The following AP5Z1 variants were observed in gnomAD, a reference collection of about 807,000 sequenced individuals.
AP5Z1 encodes AP-5 complex subunit zeta-1.
AP5Z1 carries 106 observed loss-of-function variants against 83.0 expected under a neutral mutation model. The ratio of observed to expected loss-of-function variants is 1.28; its 90% CI spans 1.09 to 1.50. AP5Z1 has a LOEUF of 1.50. Among genes scored for constraint, AP5Z1 ranks in the 40% most tolerant of loss-of-function variants. The pLI is 0.00. For missense variants in AP5Z1, 1,565 were observed against 1,094.2 expected, an observed-to-expected ratio of 1.43 and a Z score of -6.07; for synonymous variants, 751 against 514.1, an observed-to-expected ratio of 1.46 and a Z score of -6.23.
At chr7:4,790,334 C>CT (rs1781718446) in intron 14 of AP5Z1, 125 bp from the exon 15 acceptor site, 1 of 1,557,544 alleles carries the variant, frequency 6.4e-7, no homozygotes, top group East Asian at 2.4e-5. Context: ...CTGTGTTCCT[C>CT]TATCGGAGGG....
chr7:4,786,614 CGGT>C (rs1328826698), intron 10 of AP5Z1, among the ~76,000 whole-genome samples, 186 bp downstream of exon 10: 1 of 152,102 alleles, frequency 6.6e-6, no homozygotes, highest in East Asian at 1.9e-4. Context: ...ACGTGATTGA[CGGT>C]GCTGTCCAAG....
At position 4,783,451 on chromosome 7, in the gene AP5Z1, C is replaced by A; in HGVS notation, c.502C>A (p.Leu168Ile). Residue 168 changes from leucine to isoleucine, a missense_variant, in exon 4 of 17, where the codon CTC becomes ATC. Transcript: ENST00000649063. ...GGTCGTGGTCCTCAGCCCGGGCACC[C>A]TCCAGGAGGGTACGCGGGGCCCCTC... ...AKVVVLSPGT[L>I]QEDQATLLSK... The A allele has an allele frequency of 6.2e-7, 1 of 1,612,316 alleles. No homozygotes were observed. Among genetic ancestry groups the A allele is most frequent in the Non-Finnish European group, 8.5e-7 (1 of 1,179,512 alleles).
chr7:4,780,795 A>G (rs1015239791), intron 1 of AP5Z1, among the ~76,000 whole-genome samples: 4 of 152,178 alleles, frequency 2.6e-5, no homozygotes, highest in African/African-American at 7.2e-5. Context: ...TCTTGTTTCC[A>G]TAAGCAAAAG....
rs1351918534 is a variant in AP5Z1, at chr7:4,783,691, C to T, written c.514C>T (p.Gln172Ter). Residue 172 changes from glutamine (Q) to a stop codon, truncating the protein, a stop_gained and splice_region_variant, in exon 5 of 17, where the codon CAG becomes TAG. Transcript: ENST00000649063. LOFTEE classifies it high-confidence loss of function. ...CCATGCCACCCCACCCACTGCAGACCAGGCCACCCTGCTCAGCAAGCGGCT... is the reference window on the plus strand; with the variant it reads ...CCATGCCACCCCACCCACTGCAGACTAGGCCACCCTGCTCAGCAAGCGGCT... ...VLSPGTLQED[Q>*]ATLLSKRLVD... 3 of 1,550,064 alleles carry T rather than the reference C, an allele frequency of 1.9e-6. No homozygotes were observed. Among genetic ancestry groups the T allele is most frequent in the Non-Finnish European group, 1.7e-6 (2 of 1,146,576 alleles).
In AP5Z1 at chr7:4,781,647, G is replaced by A. The variant is rs775883752; in HGVS notation, c.259G>A (p.Ala87Thr). The A allele has an allele frequency of 1.6e-4, 254 of 1,606,088 alleles. 2 individuals are homozygous for A. The Admixed American group carries it at 3.3e-3, about 21-fold the overall frequency. The change falls in exon 3 of 17, where the codon GCC becomes ACC. Residue 87 changes from alanine (A) to threonine (T), a missense_variant. Ala to Thr is a moderately conservative substitution (Grantham distance 58). Coordinates refer to ENST00000649063, the MANE Select transcript of AP5Z1 (RefSeq NM_014855.3). Reference sequence around the variant, plus strand: ...CCCCGAGCAGCTCCAGGTGCTTTGCGCCGCCATCCTGCGAGAGATGTCCCC... The same window carrying A: ...CCCCGAGCAGCTCCAGGTGCTTTGCACCGCCATCCTGCGAGAGATGTCCCC... ...ACPEQLQVLCAAILREMSPSD... is the reference protein window; with the variant it reads ...ACPEQLQVLCTAILREMSPSD...
intron 14 of AP5Z1, chr7:4,790,135 T>C: frequency 1.4e-6 from 2 of 1,453,086 alleles, no homozygotes; most frequent in South Asian, 2.7e-5. Flanking sequence ...CCGTCCTTCT[T>C]TCTGCCGAGC....
At chr7:4,784,066 G>C (rs1781462214) in intron 5 of AP5Z1, 137 bp from the exon 6 acceptor site, 1 of 1,103,176 alleles carries the variant, frequency 9.1e-7, no homozygotes, top group South Asian at 1.6e-5. Flanking sequence ...TGGTGTTTTT[G>C]CATCACACAG....
rs754070937 is a variant in AP5Z1, at chr7:4,791,203, C to A, written c.2242C>A (p.Arg748Ser). The change falls in exon 17 of 17, where the codon CGT (arginine) becomes AGT (serine). Residue 748 changes from arginine (R) to serine (S), a missense_variant. Physicochemically the swap from Arg to Ser is moderately radical, Grantham distance 110. Transcript: ENST00000649063. ...THSEEGAEAI[R>S]TRATELLTLL... ...CAGCGAGGAGGGCGCGGAAGCCATC[C>A]GTACCCGGGCCACAGAGCTGCTGAC... 2.5e-6 allele frequency: 4 copies of A among 1,612,472 alleles called. No homozygotes were observed. Among genetic ancestry groups the A allele is most frequent in the African/African-American group, 1.3e-5 (1 of 74,888 alleles).
intron 1 of AP5Z1, among the ~76,000 whole-genome samples, chr7:4,780,727 CTA>C (rs1000010140): frequency 6.6e-6 from 1 of 152,104 alleles, no homozygotes; most frequent in African/African-American, 2.4e-5. Flanking sequence ...GATCATGACA[CTA>C]TATTCCAGCC....
Position 4,785,651 on chromosome 7 carries a change from C to A in AP5Z1, c.1099C>A (p.Leu367Met). ...VRGDPASVRV[L>M]LPLAHFFLSH... is the part of the protein sequence containing the mutation. ...CGGGGACCCGGCCTCTGTGCGGGTG[C>A]TGCTGCCCCTCGCCCACTTCTTCCT... The change falls in exon 9 of 17, where the codon CTG becomes ATG. Residue 367 changes from leucine to methionine, a missense_variant. Physicochemically the swap from Leu to Met is conservative, Grantham distance 15 (BLOSUM62 2). Coordinates refer to ENST00000649063, the MANE Select transcript of AP5Z1 (RefSeq NM_014855.3). 2 of 1,554,944 alleles carry A rather than the reference C, an allele frequency of 1.3e-6. No individual in the cohort carries two copies. Among genetic ancestry groups the A allele is most frequent in the South Asian group, 1.2e-5 (1 of 85,362 alleles).
chr7:4,783,703 C>G lies in AP5Z1; in HGVS notation c.526C>G (p.Leu176Val). ...ACCCACTGCAGACCAGGCCACCCTG[C>G]TCAGCAAGCGGCTGGTCGACTGGCT... ...GTLQEDQATLLSKRLVDWLRY... is the reference protein window; with the variant it reads ...GTLQEDQATLVSKRLVDWLRY... Residue 176 changes from leucine (L) to valine (V), a missense_variant, in exon 5 of 17, where the codon CTC becomes GTC. Leu to Val is a conservative substitution (Grantham distance 32). Coordinates refer to ENST00000649063, the MANE Select transcript of AP5Z1 (RefSeq NM_014855.3). The G allele has an allele frequency of 1.9e-6, 3 of 1,550,602 alleles. No homozygotes were observed. Among genetic ancestry groups the G allele is most frequent in the Admixed American group, 3.9e-5 (2 of 51,016 alleles).
chr7:4,779,844 A>C (rs946377388), intron 1 of AP5Z1, among the ~76,000 whole-genome samples: 1 of 151,812 alleles, frequency 6.6e-6, no homozygotes, highest in Non-Finnish European at 1.5e-5. Flanking sequence ...GGGTTTCTCC[A>C]TGTTAGCCAG....
chr7:4,791,646 G>C lies in AP5Z1; in HGVS notation c.*261G>C. The C allele has an allele frequency of 1.9e-6, 1 of 537,732 alleles. No individual in the cohort carries two copies. The highest frequency in any genetic ancestry group is 3.2e-6 in the Non-Finnish European group (1 of 310,462). 33.3% of individuals were successfully genotyped at this position (537,732 alleles called of 1,614,324 possible). ...GGAGCGGCTCTGATTGGAGGCTTGA[G>C]GCCCTGTGGCTGGGTCGGGTGGAGG... On this transcript the variant is annotated 3_prime_UTR_variant, in exon 17 of 17. Coordinates refer to ENST00000649063, the MANE Select transcript of AP5Z1 (RefSeq NM_014855.3).
At chr7:4,784,795 T>C in intron 6 of AP5Z1, 113 bp from the exon 7 acceptor site, 1 of 1,396,268 alleles carries the variant, frequency 7.2e-7, no homozygotes, top group Non-Finnish European at 9.5e-7. Flanking sequence ...GCCTCACGCC[T>C]CCCGGGAGGG....
At position 4,787,689 on chromosome 7, in the gene AP5Z1, C is replaced by T. The variant is rs999763449; in HGVS notation, c.1367C>T (p.Ala456Val). The change falls in exon 11 of 17, where the codon GCC becomes GTC. Residue 456 changes from alanine (A) to valine (V), a missense_variant. Ala to Val is a moderately conservative substitution (Grantham distance 64, BLOSUM62 0). Coordinates refer to ENST00000649063, the MANE Select transcript of AP5Z1 (RefSeq NM_014855.3). The part of the protein sequence containing the change: ...LTSEFVALLP[A>V]LVDAGTALEM... ...TCCGAGTTTGTGGCGCTCCTCCCGG[C>T]CCTGGTGGACGCTGGCACAGCCCTG... 3.2e-6 allele frequency: 5 copies of T among 1,552,368 alleles called. No homozygotes were observed. The highest frequency in any genetic ancestry group is 2.7e-5 in the African/African-American group (2 of 73,210).
At chr7:4,790,406 G>C in intron 14 of AP5Z1, 53 bp from the exon 15 acceptor site, 1 of 1,611,834 alleles carries the variant, frequency 6.2e-7, no homozygotes, top group Non-Finnish European at 8.5e-7. Context: ...GCCTGGATGG[G>C]GATGGGGTCA....
At chr7:4,778,401 G>A (rs535183829) in intron 1 of AP5Z1, among the ~76,000 whole-genome samples, 1 of 152,328 alleles carries the variant, frequency 6.6e-6, no homozygotes, top group South Asian at 2.1e-4. Flanking sequence ...CAAGGTCGGG[G>A]ATTTCCAGGA....
chr7:4,780,932 G>A (rs1309304320), intron 1 of AP5Z1, among the ~76,000 whole-genome samples: 1 of 152,154 alleles, frequency 6.6e-6, no homozygotes. Flanking sequence ...AAGTGCATGG[G>A]GCCTCCGTGA....
At chr7:4,782,691 G>A (rs990607882) in intron 3 of AP5Z1, among the ~76,000 whole-genome samples, 2 of 152,106 alleles carry the variant, frequency 1.3e-5, no homozygotes, top group African/African-American at 4.8e-5. Context: ...CCTCCGAGAT[G>A]ACCCCGGTAA....
Sources: gnomAD v4.1 joint callset for allele counts (sites outside exome capture counted in the v4.1 genomes callset) on GRCh38, gnomAD v4.1.1 for gene constraint, MANE v1.5 for transcripts, NCBI Gene and HGNC (gene_info 2026-07-23, HGNC 2026-07-21) for gene names.